The following EYS variants were observed in gnomAD, a reference collection of about 807,000 sequenced individuals.
EYS encodes protein eyes shut homolog.
EYS carries 250 observed loss-of-function variants against 282.1 expected under a neutral mutation model. That is an observed-to-expected ratio of 0.89 (90% CI 0.80 to 0.98). The LOEUF (loss-of-function observed/expected upper bound fraction) is 0.98, where lower values mean the gene tolerates loss of function less well. EYS is among the 50% of genes least tolerant of loss of function. The probability of loss-of-function intolerance (pLI) is 0.00; values close to 1 mark genes in which losing one functional copy is unlikely to be tolerated. For missense variants in EYS, 4,016 were observed against 3,709.0 expected (o/e 1.08, Z -2.15); for synonymous variants, 1,355 against 1,282.9 (o/e 1.06, Z -1.20).
intron 11 of EYS, among the ~76,000 whole-genome samples, chr6:65,319,944 C>T (rs1035277251): frequency 2.0e-5 from 3 of 151,412 alleles, no homozygotes; most frequent in Non-Finnish European, 2.9e-5. Flanking sequence ...GAAAAATTTT[C>T]TGTTTGCCAG....
intron 5 of EYS, among the ~76,000 whole-genome samples, chr6:65,488,717 C>A (rs1341562069): frequency 1.3e-5 from 2 of 152,122 alleles, no homozygotes; most frequent in Non-Finnish European, 2.9e-5. Flanking sequence ...TGCTACCTAA[C>A]TTCAAATTTT....
At chr6:63,944,729 C>A (rs948143434) in intron 35 of EYS, among the ~76,000 whole-genome samples, 9 of 152,026 alleles carry the variant, frequency 5.9e-5, no homozygotes, top group Middle Eastern at 3.4e-3. Flanking sequence ...AGTTTGAGAC[C>A]AGCCTGGCCA....
At chr6:64,963,088 G>T (rs1211085120) in intron 14 of EYS, among the ~76,000 whole-genome samples, 7 of 152,112 alleles carry the variant, frequency 4.6e-5, no homozygotes, top group Admixed American at 4.6e-4. Flanking sequence ...TCACTCTACA[G>T]ACAATGGTTT....
chr6:64,356,849 C>T (rs959859298), intron 29 of EYS, among the ~76,000 whole-genome samples: 3 of 151,570 alleles, frequency 2.0e-5, no homozygotes, highest in African/African-American at 7.3e-5. Flanking sequence ...ATTGTAACTA[C>T]GGGTGCTATT....
chr6:64,713,461 A>C (rs1562150039), intron 22 of EYS: 1 of 152,146 alleles, frequency 6.6e-6, no homozygotes, highest in East Asian at 1.9e-4. Flanking sequence ...AAGTAAAAGA[A>C]TACCATTCTC....
chr6:64,612,582 A>C (rs887595593), intron 24 of EYS, among the ~76,000 whole-genome samples: 2 of 152,096 alleles, frequency 1.3e-5, no homozygotes, highest in East Asian at 1.9e-4. Context: ...AATAATATTC[A>C]CTAATTATCA....
intron 33 of EYS, among the ~76,000 whole-genome samples, chr6:64,000,756 C>T (rs747429494): frequency 2.8e-4 from 42 of 152,112 alleles, no homozygotes; most frequent in Non-Finnish European, 5.0e-4. Context: ...TAATAAGAAT[C>T]TGATATGATC....
chr6:65,394,627 C>T (rs1365526743), intron 7 of EYS, among the ~76,000 whole-genome samples: 1 of 152,136 alleles, frequency 6.6e-6, no homozygotes, highest in Non-Finnish European at 1.5e-5. Context: ...AATCAACCCA[C>T]TATGATCTAC....
intron 14 of EYS, among the ~76,000 whole-genome samples, chr6:64,982,919 TAAC>T (rs1562286300): frequency 6.6e-6 from 1 of 151,198 alleles, no homozygotes; most frequent in Non-Finnish European, 1.5e-5. Context: ...AGCTGTCCAG[TAAC>T]AACATTTAAA....
intron 32 of EYS, among the ~76,000 whole-genome samples, chr6:64,074,982 T>C (rs1771716143): frequency 6.6e-6 from 1 of 151,962 alleles, no homozygotes; most frequent in South Asian, 2.1e-4. Flanking sequence ...GGTTATCTAC[T>C]GACGTTTCAA....
intron 2 of EYS, among the ~76,000 whole-genome samples, chr6:65,639,045 C>T (rs1453162722): frequency 6.6e-6 from 1 of 152,128 alleles, no homozygotes. Flanking sequence ...CAAATAGTAA[C>T]ATGATTGAAA....
At chr6:65,082,958 G>A (rs1774267503) in intron 12 of EYS, among the ~76,000 whole-genome samples, 1 of 151,796 alleles carries the variant, frequency 6.6e-6, no homozygotes, top group Non-Finnish European at 1.5e-5. Flanking sequence ...AATGCAGATG[G>A]GGTTTCAGAA....
At chr6:64,372,367 C>T (rs1655872517) in intron 29 of EYS, among the ~76,000 whole-genome samples, 1 of 152,016 alleles carries the variant, frequency 6.6e-6, no homozygotes, top group African/African-American at 2.4e-5. Context: ...ATATATGCCC[C>T]CAATCTCTTC....
intron 12 of EYS, among the ~76,000 whole-genome samples, chr6:65,138,216 T>C (rs1776076460): frequency 6.6e-6 from 1 of 152,118 alleles, no homozygotes; most frequent in African/African-American, 2.4e-5. Context: ...TTAATATCAT[T>C]AGTAATCACA....
intron 35 of EYS, among the ~76,000 whole-genome samples, chr6:63,896,462 A>G (rs1331589044): frequency 6.6e-6 from 1 of 152,190 alleles, no homozygotes; most frequent in African/African-American, 2.4e-5. Flanking sequence ...CAGAGTTCCC[A>G]TATACCTCCT....
At chr6:64,695,957 G>A (rs1335445445) in intron 22 of EYS, among the ~76,000 whole-genome samples, 2 of 152,010 alleles carry the variant, frequency 1.3e-5, no homozygotes, top group Admixed American at 1.3e-4. Context: ...TTTTTTTAAA[G>A]GTACTATTAC....
Position 65,403,784 on chromosome 6 carries a change from C to T in EYS, c.1057-1179G>A, listed in dbSNP as rs143385920. 4.1e-3 allele frequency among the ~76,000 whole-genome samples: 623 copies of T among 152,084 alleles called. 5 individuals are homozygous for T. The highest frequency in any genetic ancestry group is 0.014 in the African/African-American group (590 of 41,534). On this transcript the variant is annotated intron_variant, in intron 6 of 42. Transcript: ENST00000503581. Reference sequence around the variant, plus strand: ...GAATTAATAGTTAAGCATACATCCACTAAAAGTCGCTTCTTATATTAAGAT... The same window carrying T: ...GAATTAATAGTTAAGCATACATCCATTAAAAGTCGCTTCTTATATTAAGAT...
At chr6:64,497,041 T>A (rs1232400218) in intron 26 of EYS, among the ~76,000 whole-genome samples, 1 of 152,112 alleles carries the variant, frequency 6.6e-6, no homozygotes. Flanking sequence ...TTCTGAGTAA[T>A]GCCTCAAATC....
intron 29 of EYS, among the ~76,000 whole-genome samples, chr6:64,337,149 AAAC>A (rs959862837): frequency 5.7e-4 from 87 of 152,198 alleles, no homozygotes; most frequent in African/African-American, 1.9e-3. Context: ...AATGAAATTG[AAAC>A]AACAACAACA....
Sources: allele counts gnomAD v4.1 joint callset (sites outside exome capture counted in the v4.1 genomes callset), GRCh38; gene constraint gnomAD v4.1.1; transcripts MANE v1.5; gene names NCBI Gene and HGNC (gene_info 2026-07-23, HGNC 2026-07-21).